The following YJU2 variants were observed in gnomAD, a reference collection of about 807,000 sequenced individuals.
YJU2 encodes the protein YJU2 splicing factor homolog, also known as splicing factor YJU2.
In YJU2, 28 loss-of-function variants were observed where a neutral mutation model predicts 39.6. The observed-to-expected ratio is 0.71, with a 90% CI of 0.52 to 0.97. The LOEUF (loss-of-function observed/expected upper bound fraction) is 0.97, where lower values mean the gene tolerates loss of function less well. Among genes scored for constraint, YJU2 ranks in the 50% least tolerant of loss-of-function variants. The pLI is 0.00. For missense variants in YJU2, 328 were observed against 430.4 expected, an observed-to-expected ratio of 0.76 and a Z score of 2.11; for synonymous variants, 184 against 182.4, an observed-to-expected ratio of 1.01 and a Z score of -0.07.
At chr19:4,250,966 C>G in intron 2 of YJU2, 61 bp from the exon 3 acceptor site, 2 of 1,577,484 alleles carry the variant, frequency 1.3e-6, no homozygotes, top group South Asian at 2.2e-5. Context: ...GCCGCAGGGA[C>G]AGCCTGCCAG....
intron 3 of YJU2, 59 bp downstream of exon 3, chr19:4,251,230 G>C: frequency 6.5e-7 from 1 of 1,539,162 alleles, no homozygotes; most frequent in Non-Finnish European, 8.9e-7. Flanking sequence ...AGATCAGGGC[G>C]GGCCCTGGGG....
intron 4 of YJU2, among the ~76,000 whole-genome samples, chr19:4,257,060 G>A (rs140895983): frequency 1.5e-4 from 23 of 152,120 alleles, no homozygotes; most frequent in African/African-American, 5.1e-4. Context: ...TTTCCAAAGG[G>A]TAAATACAAC....
Position 4,247,594 on chromosome 19 carries a change from T to TGGCGTGGC in YJU2, c.24+425_24+426insGCGTGGCG, listed in dbSNP as rs1568359531. On this transcript the variant is annotated intron_variant, in intron 1 of 7. Coordinates refer to ENST00000262962, the MANE Select transcript of YJU2 (RefSeq NM_018074.6). ...GGGTGGGGTGGCGCGTGTGTGTGTG[T>TGGCGTGGC]GTGTGTGTGTGTGTGTGTGTGTGTG... Among the ~76,000 whole-genome samples, 3 of 27,048 alleles carry TGGCGTGGC rather than the reference T, an allele frequency of 1.1e-4. 1 individual carries two copies. Among genetic ancestry groups the TGGCGTGGC allele is most frequent in the Admixed American group, 3.9e-4 (1 of 2,570 alleles). The allele number at this position is 27,048 out of a possible 152,430, so 17.7% of individuals were successfully genotyped here. A position where few individuals can be genotyped will look rare whatever the true frequency, so the allele number is the denominator to read the frequency against.
chr19:4,267,250 C>A (rs1971122872), intron 6 of YJU2, among the ~76,000 whole-genome samples: 1 of 152,072 alleles, frequency 6.6e-6, no homozygotes, highest in African/African-American at 2.4e-5. Flanking sequence ...TGAGCTTGAA[C>A]CATGATGGGC....
At chr19:4,248,781 T>C (rs1970951732) in intron 1 of YJU2, among the ~76,000 whole-genome samples, 1 of 150,500 alleles carries the variant, frequency 6.6e-6, no homozygotes, top group Admixed American at 6.6e-5. Context: ...TAGCGGGGAG[T>C]GGTGGTGGGC....
At chr19:4,263,822 A>AAG (rs1324107036) in intron 6 of YJU2, among the ~76,000 whole-genome samples, 4 of 150,742 alleles carry the variant, frequency 2.7e-5, no homozygotes, top group African/African-American at 9.8e-5. Flanking sequence ...AAAAAAAAAA[A>AAG]AAAAAAAGGA....
At chr19:4,253,248 A>T (rs1049917687) in intron 3 of YJU2, among the ~76,000 whole-genome samples, 1 of 149,314 alleles carries the variant, frequency 6.7e-6, no homozygotes, top group Non-Finnish European at 1.5e-5. Flanking sequence ...AATTTTAATT[A>T]AAAAAAGAAA....
intron 5 of YJU2, 79 bp from the exon 6 acceptor site, chr19:4,261,915 C>T: frequency 2.6e-6 from 4 of 1,517,002 alleles, no homozygotes; most frequent in Non-Finnish European, 3.6e-6. Context: ...CACCCAGGCC[C>T]CTCGCCACCC....
At chr19:4,256,179 A>AT (rs1374495655) in intron 4 of YJU2, among the ~76,000 whole-genome samples, 237 of 97,198 alleles carry the variant, frequency 2.4e-3, no homozygotes, top group Middle Eastern at 4.6e-3. Context: ...CAAAAAAAAA[A>AT]AAATATATAT....
At chr19:4,257,563 T>A (rs1971031466) in intron 4 of YJU2, among the ~76,000 whole-genome samples, 1 of 152,150 alleles carries the variant, frequency 6.6e-6, no homozygotes, top group African/African-American at 2.4e-5. Flanking sequence ...AACCTCTGCC[T>A]CCCGGGTTCA....
intron 5 of YJU2, among the ~76,000 whole-genome samples, chr19:4,259,638 C>T (rs571678719): frequency 2.0e-5 from 3 of 152,234 alleles, no homozygotes; most frequent in Admixed American, 1.3e-4. Flanking sequence ...CCTTAGTCTC[C>T]TGAAGTGCTG....
chr19:4,259,902 C>A (rs962032543), intron 5 of YJU2, among the ~76,000 whole-genome samples: 1 of 152,108 alleles, frequency 6.6e-6, no homozygotes, highest in East Asian at 1.9e-4. Flanking sequence ...GTGTTGGGAG[C>A]CTGCGTTCAT....
intron 6 of YJU2, 32 bp from the exon 7 acceptor site, chr19:4,267,592 C>T (rs776488329): frequency 6.2e-7 from 1 of 1,604,724 alleles, no homozygotes; most frequent in Admixed American, 1.7e-5. Context: ...GGATCCGGGC[C>T]AGACCCCCAC....
chr19:4,253,459 T>A (rs1970994224), intron 3 of YJU2, among the ~76,000 whole-genome samples: 1 of 151,732 alleles, frequency 6.6e-6, no homozygotes, highest in African/African-American at 2.4e-5. Flanking sequence ...TGCATACCTG[T>A]AGTCCCAGCT....
At chr19:4,260,093 C>T (rs1268983749) in intron 5 of YJU2, among the ~76,000 whole-genome samples, 2 of 152,062 alleles carry the variant, frequency 1.3e-5, no homozygotes, top group Non-Finnish European at 2.9e-5. Flanking sequence ...CACTTAACCA[C>T]ACCACTGCCC....
chr19:4,247,573 G>GT lies in YJU2; in HGVS notation c.24+403_24+404insT, dbSNP rs1568359425. On this transcript the variant is annotated intron_variant, in intron 1 of 7. Transcript: ENST00000262962. ...TCGTGTACTTTGGGTGGGGTGGGGT[G>GT]GGGTGGCGCGTGTGTGTGTGTGTGT... is the stretch of plus-strand genomic sequence containing the variant. Among the ~76,000 whole-genome samples the GT allele has an allele frequency of 6.8e-5, 6 of 87,686 alleles. 1 individual carries two copies. The highest frequency in any genetic ancestry group is 4.9e-4 in the African/African-American group (5 of 10,306). The allele number at this position is 87,686 out of a possible 152,430, so 57.5% of individuals were successfully genotyped here.
rs1260878566 is a variant in YJU2 at position 4,268,712 on chromosome 19, C to T, written c.*16C>T. 1.3e-6 allele frequency: 2 copies of T among 1,577,470 alleles called. No individual in the cohort carries two copies. The highest frequency in any genetic ancestry group is 2.2e-5 in the South Asian group (2 of 89,810). ...CAGCAACTGAGCCCTCCCAGGACCC[C>T]CTCACGGGGTCAAAGTCACACGTCC... is the stretch of plus-strand genomic sequence containing the variant. On this transcript the variant is annotated 3_prime_UTR_variant, in exon 8 of 8. Transcript: ENST00000262962.
Position 4,254,606 on chromosome 19 carries a change from G to A in YJU2, c.405+117G>A, listed in dbSNP as rs147879701. 9.3e-4 allele frequency: 1,313 copies of A among 1,404,944 alleles called. 5 individuals are homozygous for A. In the African/African-American group the frequency reaches 0.014, roughly 15 times the overall value. The allele number at this position is 1,404,944 out of a possible 1,614,324, so 87.0% of individuals were successfully genotyped here. ...AAGGAAGGAAGATGGGGTGGGGGGC[G>A]TGGTTGGTAAAACTTTAAGATGTCC... On this transcript the variant is annotated intron_variant, in intron 4 of 7. Transcript: ENST00000262962.
chr19:4,250,886 G>T, intron 2 of YJU2, 141 bp from the exon 3 acceptor site: 2 of 819,966 alleles, frequency 2.4e-6, no homozygotes, highest in Non-Finnish European at 3.9e-6. Context: ...GACACAGGGT[G>T]GGGCAGCCTG....
Sources: gnomAD v4.1 joint callset for allele counts (sites outside exome capture counted in the v4.1 genomes callset) on GRCh38, gnomAD v4.1.1 for gene constraint, MANE v1.5 for transcripts, NCBI Gene and HGNC (gene_info 2026-07-23, HGNC 2026-07-21) for gene names.